The following PSMD11 variants were observed in gnomAD, a reference collection of about 807,000 sequenced individuals.
PSMD11 encodes the protein proteasome 26S subunit, non-ATPase 11.
A neutral mutation model predicts 62.3 loss-of-function variants in PSMD11; 5 were observed. The observed-to-expected ratio is 0.08, with a 90% CI of 0.04 to 0.17. The LOEUF (loss-of-function observed/expected upper bound fraction) is 0.17, where lower values mean the gene tolerates loss of function less well. Ranked by LOEUF, PSMD11 falls within the 10% of genes least tolerant of loss-of-function variation. The pLI is 1.00. For missense variants in PSMD11, 310 were observed against 512.9 expected (o/e 0.60, Z 3.82); for synonymous variants, 191 against 191.8 (o/e 1.00, Z 0.03).
intron 7 of PSMD11, 100 bp from the exon 8 acceptor site, chr17:32,474,664 T>C (rs1908265932): frequency 1.7e-6 from 2 of 1,163,222 alleles, no homozygotes; most frequent in Admixed American, 1.7e-5. Context: ...GTGGGCAGAG[T>C]CTTTATTACA....
In PSMD11 at chr17:32,454,110, A is replaced by G. The variant is rs533089782; in HGVS notation, c.194-385A>G. Among the ~76,000 whole-genome samples the G allele has an allele frequency of 7.2e-5, 11 of 152,244 alleles. No homozygotes were observed. In the South Asian group the frequency reaches 2.3e-3, roughly 32 times the overall value. On this transcript the variant is annotated intron_variant, in intron 2 of 13. Coordinates refer to ENST00000261712, the MANE Select transcript of PSMD11 (RefSeq NM_002815.4). Reference sequence around the variant, plus strand: ...TTACCCCTATGACCTGATCATATTTATTGGTTGTGAGGAAGTAATTTTGTG... The same window carrying G: ...TTACCCCTATGACCTGATCATATTTGTTGGTTGTGAGGAAGTAATTTTGTG...
rs918974797 is a variant in PSMD11 at position 32,444,815 on chromosome 17, C to T, written c.91+201C>T. 12 of 604,912 alleles carry T rather than the reference C, an allele frequency of 2.0e-5. No individual in the cohort carries two copies. In the Admixed American group the frequency reaches 3.9e-4, roughly 20 times the overall value. The allele number at this position is 604,912 out of a possible 1,614,324, so 37.5% of individuals were successfully genotyped here. On this transcript the variant is annotated intron_variant, in intron 1 of 13. Transcript: ENST00000261712. ...TCTTGTGGGAGGGCTTGAGGCAATC[C>T]CCGGGTCCCCTCGCCGGCTGCTGAC...
intron 6 of PSMD11, 140 bp downstream of exon 6, chr17:32,469,333 C>G (rs887018453): frequency 6.6e-5 from 55 of 831,676 alleles, no homozygotes; most frequent in African/African-American, 5.0e-4. Context: ...TAGAAAGCTA[C>G]CTTTCTAACT....
At chr17:32,447,104 G>A in intron 2 of PSMD11, 58 bp downstream of exon 2, 3 of 1,368,446 alleles carry the variant, frequency 2.2e-6, no homozygotes, top group East Asian at 2.5e-5. Flanking sequence ...GTCTTTTGTT[G>A]GAGTGAAGAA....
intron 5 of PSMD11, among the ~76,000 whole-genome samples, chr17:32,466,732 C>T (rs1207357347): frequency 1.3e-5 from 2 of 152,168 alleles, no homozygotes; most frequent in Non-Finnish European, 2.9e-5. Flanking sequence ...AAGCTGTTTT[C>T]CAAAGTGGCT....
rs529645178 is a variant in PSMD11 at position 32,480,876 on chromosome 17, C to T, written c.*124C>T. On this transcript the variant is annotated 3_prime_UTR_variant, in exon 14 of 14. Coordinates refer to ENST00000261712, the MANE Select transcript of PSMD11 (RefSeq NM_002815.4). The stretch of plus-strand genomic sequence containing the variant: ...TTCGCTCGGAAAGTTTTTAAATCCT[C>T]ATTTGGTGCATCTGTATTCCAGCCA... 1 of 423,972 alleles carries T rather than the reference C, an allele frequency of 2.4e-6. No homozygotes were observed. The highest frequency in any genetic ancestry group is 4.1e-6 in the Non-Finnish European group (1 of 242,368). The allele number at this position is 423,972 out of a possible 1,614,324, so 26.3% of individuals were successfully genotyped here.
At chr17:32,475,331 C>CTT (rs530887191) in intron 8 of PSMD11, among the ~76,000 whole-genome samples, 3 of 143,394 alleles carry the variant, frequency 2.1e-5, no homozygotes, top group Non-Finnish European at 1.5e-5. Context: ...AAAAGAGGCC[C>CTT]TTTTTTTTTT....
In PSMD11 at chr17:32,468,999, G is replaced by A; in HGVS notation, c.449G>A (p.Gly150Asp). Residue 150 changes from glycine to aspartate, a missense_variant and splice_region_variant, in exon 6 of 14, where the codon GGT becomes GAT. Physicochemically the swap from Gly to Asp is moderately conservative, Grantham distance 94 (BLOSUM62 -1). This residue lies in a region of PSMD11 where 47 missense variants were observed against 59.0 expected (regional missense o/e 0.80). Coordinates refer to ENST00000261712, the MANE Select transcript of PSMD11 (RefSeq NM_002815.4). Reference sequence around the variant, plus strand: ...AGGAGAATGTCTTTTCCTTTTTCAGGTTCTCAGCTGCTGCGGGAGTTGAAA... The same window carrying A: ...AGGAGAATGTCTTTTCCTTTTTCAGATTCTCAGCTGCTGCGGGAGTTGAAA... ...TKRYQEALHLGSQLLRELKKM... is the reference protein window; with the variant it reads ...TKRYQEALHLDSQLLRELKKM... 1 of 1,611,822 alleles carries A rather than the reference G, an allele frequency of 6.2e-7. No individual in the cohort carries two copies. The highest frequency in any genetic ancestry group is 8.5e-7 in the Non-Finnish European group (1 of 1,179,264).
At chr17:32,461,116 C>T (rs534669024) in intron 3 of PSMD11, among the ~76,000 whole-genome samples, 28 of 152,042 alleles carry the variant, frequency 1.8e-4, no homozygotes, top group Non-Finnish European at 3.5e-4. Context: ...CTCGCACCGT[C>T]GCCCGGGCTG....
chr17:32,475,331 C>CT (rs530887191), intron 8 of PSMD11, among the ~76,000 whole-genome samples: 6,921 of 143,286 alleles, frequency 0.048, 183 homozygotes, highest in South Asian at 0.086. Context: ...AAAAGAGGCC[C>CT]TTTTTTTTTT....
At chr17:32,465,882 G>A (rs1402242481) in intron 5 of PSMD11, among the ~76,000 whole-genome samples, 2 of 152,164 alleles carry the variant, frequency 1.3e-5, no homozygotes, top group East Asian at 3.9e-4. Flanking sequence ...GGCTGAGGCA[G>A]AAGAATCATT....
At chr17:32,454,304 G>C (rs1025253483) in intron 2 of PSMD11, among the ~76,000 whole-genome samples, 191 bp from the exon 3 acceptor site, 38 of 152,190 alleles carry the variant, frequency 2.5e-4, no homozygotes, top group African/African-American at 9.2e-4. Flanking sequence ...ATGCAAATTT[G>C]GTATATGATG....
At chr17:32,467,389 G>GCA (rs1401341348) in intron 5 of PSMD11, among the ~76,000 whole-genome samples, 2 of 151,806 alleles carry the variant, frequency 1.3e-5, no homozygotes. Context: ...GAGATTATAG[G>GCA]CGTGCACCAC....
Position 32,477,535 on chromosome 17 carries a change from A to G in PSMD11, c.864A>G (p.Lys288=), listed in dbSNP as rs768670009. The change falls in exon 9 of 14, where the codon AAA becomes AAG. Residue 288 remains lysine (K), a synonymous_variant. Coordinates refer to ENST00000261712, the MANE Select transcript of PSMD11 (RefSeq NM_002815.4). The part of the protein sequence containing the change: ...RYAGRQTEAL[K]CVAQASKNRS... ...TTTATTCTCAGACAGAAGCATTAAA[A>G]TGCGTGGCTCAGGCTAGCAAGAACA... 2 of 1,606,852 alleles carry G rather than the reference A, an allele frequency of 1.2e-6. No individual in the cohort carries two copies. Among genetic ancestry groups the G allele is most frequent in the Non-Finnish European group, 1.7e-6 (2 of 1,177,154 alleles).
chr17:32,464,095 G>T lies in PSMD11; in HGVS notation c.365G>T (p.Arg122Ile), dbSNP rs1471685456. Residue 122 changes from arginine to isoleucine, a missense_variant, in exon 4 of 14, where the codon AGA becomes ATA. Arg to Ile is a moderately conservative substitution (Grantham distance 97). This residue lies in a region of PSMD11 where 47 missense variants were observed against 59.0 expected (regional missense o/e 0.80). Coordinates refer to ENST00000261712, the MANE Select transcript of PSMD11 (RefSeq NM_002815.4). ...ECIEWAKSEK[R>I]TFLRQALEAR... ...ATCGAATGGGCCAAGTCAGAGAAAA[G>T]AACTTTCTTACGCCAAGCTTTGGAG... 1 of 1,614,088 alleles carries T rather than the reference G, an allele frequency of 6.2e-7. No homozygotes were observed. The highest frequency in any genetic ancestry group is 1.1e-5 in the South Asian group (1 of 91,082).
chr17:32,446,248 C>T (rs1907328871), intron 1 of PSMD11, among the ~76,000 whole-genome samples: 1 of 152,174 alleles, frequency 6.6e-6, no homozygotes, highest in Non-Finnish European at 1.5e-5. Flanking sequence ...TCACTACAAA[C>T]TTGGAGAGGC....
rs78876518 is a variant in PSMD11, at chr17:32,480,610, C to T, written c.1248C>T (p.Asn416=). ...GCAAAGTAGTGGATTCCCTCTACAA[C>T]AAAGCCAAGAAACTGACATAGGTGA... ...NMSKVVDSLY[N]KAKKLT is the part of the protein sequence containing the mutation. Residue 416 remains asparagine, a synonymous_variant, in exon 13 of 14, where the codon AAC becomes AAT. Coordinates refer to ENST00000261712, the MANE Select transcript of PSMD11 (RefSeq NM_002815.4). 6.2e-7 allele frequency: 1 copy of T among 1,614,140 alleles called. No individual in the cohort carries two copies. The highest frequency in any genetic ancestry group is 1.7e-5 in the Admixed American group (1 of 60,026).
rs553994277 is a variant in PSMD11 at position 32,474,553 on chromosome 17, G to A, written c.789-211G>A. Among the ~76,000 whole-genome samples, 4 of 152,218 alleles carry A rather than the reference G, an allele frequency of 2.6e-5. No homozygotes were observed. In the East Asian group the frequency reaches 7.7e-4, roughly 29 times the overall value. On this transcript the variant is annotated intron_variant, in intron 7 of 13. Coordinates refer to ENST00000261712, the MANE Select transcript of PSMD11 (RefSeq NM_002815.4). ...TTCAGTTCAGCTTTCTAACATTGGA[G>A]TTTTTCTACTCTTCAGGCTGAGCTG...
rs781501628 is a variant in PSMD11, at chr17:32,479,277, C to T, written c.939C>T (p.Leu313=). 1 of 1,614,144 alleles carries T rather than the reference C, an allele frequency of 6.2e-7. No individual in the cohort carries two copies. The highest frequency in any genetic ancestry group is 2.2e-5 in the East Asian group (1 of 44,886). Residue 313 remains leucine (L), a synonymous_variant, in exon 10 of 14, where the codon CTC becomes CTT. Transcript: ENST00000261712. ...EKALTDYRAE[L]RDDPIISTHL... ...CTCTGACAGATTACCGGGCAGAGCT[C>T]CGGGATGACCCAATCATCAGCACAC... is the stretch of plus-strand genomic sequence containing the variant.
Sources: gnomAD v4.1 joint callset for allele counts (sites outside exome capture counted in the v4.1 genomes callset) on GRCh38, gnomAD v4.1.1 for gene constraint, gnomAD v4.1.1 regional missense constraint, MANE v1.5 for transcripts, NCBI Gene and HGNC (gene_info 2026-07-23, HGNC 2026-07-21) for gene names.